CCDC57: variants seen among roughly 807,000 people sequenced by gnomAD.
The protein encoded by CCDC57 is coiled-coil domain-containing protein 57.
Under a neutral mutation model 118.9 loss-of-function variants are expected in CCDC57, and 118 were observed. The ratio of observed to expected loss-of-function variants is 0.99; its 90% confidence interval spans 0.86 to 1.16. CCDC57 has a LOEUF of 1.16. Ranked by LOEUF, CCDC57 falls within the 50% of genes most tolerant of loss-of-function variation. The pLI is 0.00. For missense variants in CCDC57, 1,300 were observed against 1,320.7 expected (o/e 0.98, Z 0.24); for synonymous variants, 527 against 532.9 (o/e 0.99, Z 0.15).
intron 5 of CCDC57, 62 bp from the exon 5 acceptor site, chr17:82,194,201 G>T: frequency 6.7e-7 from 1 of 1,491,224 alleles, no homozygotes; most frequent in South Asian, 1.2e-5. Context: ...AGGCATTAGG[G>T]GTACATACTG....
In CCDC57 at chr17:82,212,494, G is replaced by A. The variant is rs893550110; in HGVS notation, c.-211+291C>T. On this transcript the variant is annotated intron_variant, in intron 1 of 19. Coordinates refer to ENST00000665763, the Ensembl canonical transcript of CCDC57. This position sits in a 1 kb window ranked among gnomAD's most constrained non-coding sequence, Gnocchi z 4.1. ...GCGGAACCCGGGGAATTCTCCCGGG[G>A]CTGCGGGGCCCTGGTCGGCAGCGCC... Among the ~76,000 whole-genome samples, 2 of 151,666 alleles carry A rather than the reference G, an allele frequency of 1.3e-5. No individual in the cohort carries two copies. Among genetic ancestry groups the A allele is most frequent in the Non-Finnish European group, 2.9e-5 (2 of 67,908 alleles).
chr17:82,138,103 C>A (rs369634755), intron 16 of CCDC57, among the ~76,000 whole-genome samples: 2 of 149,648 alleles, frequency 1.3e-5, no homozygotes, highest in Non-Finnish European at 3.0e-5. Flanking sequence ...TGGTGGCATG[C>A]GCTTGTGGTC....
intron 19 of CCDC57, among the ~76,000 whole-genome samples, chr17:82,104,350 G>A (rs1376130512): frequency 6.6e-6 from 1 of 152,166 alleles, no homozygotes; most frequent in Non-Finnish European, 1.5e-5. Context: ...CTCTGGCCCC[G>A]AACTGAGCTT....
intron 15 of CCDC57, chr17:82,152,041 G>A (rs1403474722): frequency 1.0e-5 from 5 of 488,884 alleles, no homozygotes; most frequent in East Asian, 7.5e-5. Flanking sequence ...ACAGCCCTCC[G>A]CCTCCTCCCC....
intron 13 of CCDC57, among the ~76,000 whole-genome samples, chr17:82,164,501 C>G (rs1012273604): frequency 3.3e-5 from 5 of 152,100 alleles, no homozygotes; most frequent in African/African-American, 1.2e-4. Context: ...TCAACAAAAT[C>G]AACAGTTGAT....
intron 19 of CCDC57, among the ~76,000 whole-genome samples, chr17:82,119,214 T>A (rs955694022): frequency 1.3e-5 from 2 of 151,924 alleles, no homozygotes; most frequent in Non-Finnish European, 2.9e-5. Context: ...GCTGCCTTTG[T>A]ATATTTAATG....
chr17:82,197,101 A>G (rs955800483), intron 4 of CCDC57, among the ~76,000 whole-genome samples: 3 of 149,452 alleles, frequency 2.0e-5, no homozygotes, highest in Non-Finnish European at 4.4e-5. Context: ...CTGCACCTGC[A>G]GACACACAGC....
intron 11 of CCDC57, among the ~76,000 whole-genome samples, chr17:82,174,260 G>A (rs1232286673): frequency 2.6e-5 from 4 of 152,244 alleles, no homozygotes; most frequent in African/African-American, 9.6e-5. Context: ...GCTGGCCTGG[G>A]CTCCCAGGAG....
chr17:82,211,044 ACAT>A (rs2050153538), intron 1 of CCDC57, among the ~76,000 whole-genome samples: 1 of 151,560 alleles, frequency 6.6e-6, no homozygotes, highest in Non-Finnish European at 1.5e-5. Context: ...AAAGAAAGAA[ACAT>A]CATCTTTTAC....
At chr17:82,140,537 C>T (rs1430421334) in intron 16 of CCDC57, among the ~76,000 whole-genome samples, 1 of 152,182 alleles carries the variant, frequency 6.6e-6, no homozygotes, top group African/African-American at 2.4e-5. Context: ...ATCTTACTCT[C>T]CCGGCCTGAG....
Position 82,108,063 on chromosome 17 carries a change from C to T in CCDC57, c.2900-6197G>A, listed in dbSNP as rs553876852. 4.6e-5 allele frequency among the ~76,000 whole-genome samples: 7 copies of T among 152,344 alleles called. No homozygotes were observed. The East Asian group carries it at 1.3e-3, about 29-fold the overall frequency. On this transcript the variant is annotated intron_variant, in intron 19 of 19. Coordinates refer to ENST00000665763, the Ensembl canonical transcript of CCDC57. ...TATCCCCATTCCCAATCCCACGTGC[C>T]TCCTTGCCTCTGTCCACGTGATGTT...
At chr17:82,178,355 T>C in intron 11 of CCDC57, 119 bp downstream of exon 10, 3 of 1,233,808 alleles carry the variant, frequency 2.4e-6, no homozygotes. Context: ...CAACAGGTCA[T>C]TTAAAAAGAA....
intron 2 of CCDC57, among the ~76,000 whole-genome samples, chr17:82,207,208 T>C (rs2049767522): frequency 6.6e-6 from 1 of 152,022 alleles, no homozygotes; most frequent in Non-Finnish European, 1.5e-5. Context: ...GGGGCGTCGC[T>C]TGTAGTCTCA....
chr17:82,183,047 C>T (rs539451457), intron 9 of CCDC57, among the ~76,000 whole-genome samples: 5 of 152,282 alleles, frequency 3.3e-5, no homozygotes, highest in South Asian at 2.1e-4. Context: ...TCGGGGAAAC[C>T]GCCCCCATGA....
At chr17:82,161,568 G>A (rs1263779581) in intron 14 of CCDC57, among the ~76,000 whole-genome samples, 1 of 152,186 alleles carries the variant, frequency 6.6e-6, no homozygotes, top group Non-Finnish European at 1.5e-5. Flanking sequence ...TGTCAGCCAT[G>A]GGAAGGAATG....
chr17:82,136,775 G>A (rs554588988), intron 16 of CCDC57, among the ~76,000 whole-genome samples: 1 of 151,942 alleles, frequency 6.6e-6, no homozygotes, highest in African/African-American at 2.4e-5. Context: ...TAGAGACAGG[G>A]TGTCACTATT....
At chr17:82,191,949 T>C (rs958713152) in intron 7 of CCDC57, among the ~76,000 whole-genome samples, 2 of 151,664 alleles carry the variant, frequency 1.3e-5, no homozygotes, top group African/African-American at 4.8e-5. Context: ...ATTATAGGTG[T>C]AGGCCACCAT....
At chr17:82,129,868 G>T (rs764767813) in intron 17 of CCDC57, among the ~76,000 whole-genome samples, 10 of 152,034 alleles carry the variant, frequency 6.6e-5, no homozygotes, top group Non-Finnish European at 7.4e-5. Flanking sequence ...TCCAGCCTGG[G>T]CAACAGAGCG....
intron 7 of CCDC57, among the ~76,000 whole-genome samples, chr17:82,193,288 A>AC (rs961396448): frequency 1.3e-5 from 2 of 152,146 alleles, no homozygotes; most frequent in African/African-American, 4.8e-5. Flanking sequence ...TCATGCCTAT[A>AC]ATCGCAGCAC....
Sources: allele counts gnomAD v4.1 joint callset (sites outside exome capture counted in the v4.1 genomes callset), GRCh38; gene constraint gnomAD v4.1.1; non-coding constraint Gnocchi (gnomAD v3.1); transcripts MANE v1.5; gene names NCBI Gene and HGNC (gene_info 2026-07-23, HGNC 2026-07-21).